ARRDC5: variants seen among roughly 807,000 people sequenced by gnomAD.
The protein encoded by ARRDC5 is arrestin domain containing 5, also known as arrestin domain-containing protein 5.
ARRDC5 carries 12 observed loss-of-function variants against 13.3 expected under a neutral mutation model. That is an observed-to-expected ratio of 0.90 (90% CI 0.58 to 1.46). The LOEUF is 1.46. Among genes scored for constraint, ARRDC5 ranks in the 40% most tolerant of loss-of-function variants. The probability of loss-of-function intolerance (pLI) is 0.00; values close to 1 mark genes in which losing one functional copy is unlikely to be tolerated. For synonymous variants in ARRDC5, 181 were observed against 173.4 expected (o/e 1.04, Z -0.34); for missense variants, 406 against 418.7 (o/e 0.97, Z 0.26).
At chr19:4,909,479 G>C in the ARRDC5 span, 1 of 652,824 alleles carries the variant, frequency 1.5e-6, no homozygotes, top group Non-Finnish European at 2.8e-6. Flanking sequence ...CCCAAATGCC[G>C]AGTTTTCGCG....
Position 4,890,862 on chromosome 19 carries a change from A to AT in ARRDC5, c.*183dup. ...GAGACCTTCCCGGTTTCCTTTGTCC[A>AT]TTCCAGGCATTCAGTGATAGTTCTA... On this transcript the variant is annotated 3_prime_UTR_variant, in exon 3 of 3. Transcript: ENST00000650722. The AT allele has an allele frequency of 1.7e-6, 1 of 591,778 alleles. No individual in the cohort carries two copies. Among genetic ancestry groups the AT allele is most frequent in the East Asian group, 2.9e-5 (1 of 34,718 alleles). The allele number at this position is 591,778 out of a possible 1,614,324, so 36.7% of individuals were successfully genotyped here.
intron 2 of ARRDC5, among the ~76,000 whole-genome samples, chr19:4,893,134 A>T (rs1020068323): frequency 7.1e-6 from 1 of 141,430 alleles, no homozygotes; most frequent in African/African-American, 2.6e-5. Flanking sequence ...ATAATATAAT[A>T]TATATTATAT....
chr19:4,896,266 G>T (rs528602740), intron 2 of ARRDC5, among the ~76,000 whole-genome samples: 1,579 of 83,448 alleles, frequency 0.019, 14 homozygotes, highest in Non-Finnish European at 0.03. Context: ...AGTGAGCCGA[G>T]ATCATGCCTC....
chr19:4,891,954 CAA>C (rs33946883), intron 2 of ARRDC5, among the ~76,000 whole-genome samples: 2 of 138,966 alleles, frequency 1.4e-5, no homozygotes, highest in Non-Finnish European at 3.1e-5. Flanking sequence ...AACTCCGTCT[CAA>C]AAAAAAAAAA....
chr19:4,915,323 G>A, the ARRDC5 span, among the ~76,000 whole-genome samples: 1 of 152,214 alleles, frequency 6.6e-6, no homozygotes, highest in South Asian at 2.1e-4. Context: ...CGCGGCCTCT[G>A]TTAGGGTGAC....
In ARRDC5 at chr19:4,891,158, G is replaced by T. The variant is rs374124848; in HGVS notation, c.875C>A (p.Thr292Asn). 3 of 1,613,902 alleles carry T rather than the reference G, an allele frequency of 1.9e-6. No individual in the cohort carries two copies. Among genetic ancestry groups the T allele is most frequent in the African/African-American group, 2.7e-5 (2 of 74,940 alleles). Reference protein sequence around the residue: ...VTTVHLPWSLTSLKAKVPIII... With the variant: ...VTTVHLPWSLNSLKAKVPIII... ...GATGGGAACTTTGGCCTTGAGGCTGGTCAGGGACCAGGGCAGGTGCACGGT... is the reference window on the plus strand; with the variant it reads ...GATGGGAACTTTGGCCTTGAGGCTGTTCAGGGACCAGGGCAGGTGCACGGT... The change falls in exon 3 of 3, where the codon ACC (threonine) becomes AAC (asparagine). Residue 292 changes from threonine to asparagine, a missense_variant. By Grantham distance (65) the Thr-to-Asn change is moderately conservative (BLOSUM62 0). Transcript: ENST00000650722.
At chr19:4,897,008 G>A in intron 1 of ARRDC5, 132 bp from the exon 2 acceptor site, 1 of 630,460 alleles carries the variant, frequency 1.6e-6, no homozygotes, top group Non-Finnish European at 2.6e-6. Context: ...CCAGTCTGGA[G>A]TATAGTGGTG....
chr19:4,893,961 T>C (rs1178309933), intron 2 of ARRDC5, among the ~76,000 whole-genome samples: 2 of 143,736 alleles, frequency 1.4e-5, no homozygotes, highest in Non-Finnish European at 3.0e-5. Context: ...GGCAGGAGAA[T>C]GGCGTGAACC....
At chr19:4,913,899 C>T in the ARRDC5 span, among the ~76,000 whole-genome samples, 1 of 149,942 alleles carries the variant, frequency 6.7e-6, no homozygotes, top group Non-Finnish European at 1.5e-5. Context: ...TCAACCTCCA[C>T]CTCCTGGGTT....
At chr19:4,901,432 G>A (rs969377705) in intron 1 of ARRDC5, among the ~76,000 whole-genome samples, 6 of 152,020 alleles carry the variant, frequency 3.9e-5, no homozygotes, top group Admixed American at 6.6e-5. Flanking sequence ...TGGCCAACGT[G>A]GTGAAACCCT....
At chr19:4,897,168 C>T (rs1435341911) in intron 1 of ARRDC5, among the ~76,000 whole-genome samples, 2 of 152,106 alleles carry the variant, frequency 1.3e-5, no homozygotes, top group Non-Finnish European at 2.9e-5. Context: ...TGTTGTCCAT[C>T]CTGGTCTTGA....
chr19:4,908,884 G>T, the ARRDC5 span, among the ~76,000 whole-genome samples: 1 of 152,148 alleles, frequency 6.6e-6, no homozygotes, highest in Non-Finnish European at 1.5e-5. Context: ...TCCTGTGCCC[G>T]CCAGGACTGG....
intron 2 of ARRDC5, among the ~76,000 whole-genome samples, chr19:4,893,143 AT>A: frequency 7.1e-6 from 1 of 141,488 alleles, no homozygotes; most frequent in Non-Finnish European, 1.5e-5. Context: ...TATATATTAT[AT>A]TATTAGAATA....
rs760656264 is a variant in ARRDC5 at position 4,902,643 on chromosome 19, A to C, written c.183T>G (p.Asp61Glu). The change falls in exon 1 of 3, where the codon GAT becomes GAG. Residue 61 changes from aspartate (D) to glutamate (E), a missense_variant. By Grantham distance (45) the Asp-to-Glu change is conservative (BLOSUM62 2). Coordinates refer to ENST00000650722, the MANE Select transcript of ARRDC5 (RefSeq NM_001080523.3). ...EWSEEAGASC[D>E]YSRNVICNNK... ...TGTTGCAAATAACATTTCTGCTATA[A>C]TCACAGGATGCCCCGGCTTCTTCAC... is the stretch of plus-strand genomic sequence containing the variant. 1 of 1,613,998 alleles carries C rather than the reference A, an allele frequency of 6.2e-7. No individual in the cohort carries two copies. Among genetic ancestry groups the C allele is most frequent in the Admixed American group, 1.7e-5 (1 of 60,004 alleles).
the ARRDC5 span, among the ~76,000 whole-genome samples, chr19:4,908,842 C>T: frequency 6.6e-6 from 1 of 152,194 alleles, no homozygotes; most frequent in Non-Finnish European, 1.5e-5. Context: ...GCAACCTGTC[C>T]GGCTGCTTTG....
chr19:4,895,250 C>T (rs1186757857), intron 2 of ARRDC5, among the ~76,000 whole-genome samples: 3 of 151,518 alleles, frequency 2.0e-5, no homozygotes, highest in East Asian at 3.9e-4. Flanking sequence ...GTGGAAACTC[C>T]GTCTTTACTA....
chr19:4,907,644 G>A (rs1323217732), upstream of ARRDC5, among the ~76,000 whole-genome samples: 1 of 150,222 alleles, frequency 6.7e-6, no homozygotes, highest in African/African-American at 2.4e-5. Flanking sequence ...GGTTCTAGGA[G>A]TCTTTCTTGC....
the ARRDC5 span, among the ~76,000 whole-genome samples, chr19:4,914,017 G>A: frequency 6.6e-6 from 1 of 151,984 alleles, no homozygotes; most frequent in South Asian, 2.1e-4. Flanking sequence ...GTTTCTCCAT[G>A]TTGGTCAGGC....
rs947787411 is a variant in ARRDC5, at chr19:4,891,190, C to A, written c.843G>T (p.Leu281=). The change falls in exon 3 of 3, where the codon CTG becomes CTT. Residue 281 remains leucine, a synonymous_variant. Coordinates refer to ENST00000650722, the MANE Select transcript of ARRDC5 (RefSeq NM_001080523.3). ...DGEIMHTRYE[L]VTTVHLPWSL... Reference sequence around the variant, plus strand: ...ACCAGGGCAGGTGCACGGTGGTGACCAGCTCGTAGCGAGTGTGCATGATCT... The same window carrying A: ...ACCAGGGCAGGTGCACGGTGGTGACAAGCTCGTAGCGAGTGTGCATGATCT... 1 of 1,613,898 alleles carries A rather than the reference C, an allele frequency of 6.2e-7. No individual in the cohort carries two copies. The highest frequency in any genetic ancestry group is 8.5e-7 in the Non-Finnish European group (1 of 1,179,876).
Sources: gnomAD v4.1 joint callset for allele counts (sites outside exome capture counted in the v4.1 genomes callset) on GRCh38, gnomAD v4.1.1 for gene constraint, MANE v1.5 for transcripts, NCBI Gene and HGNC (gene_info 2026-07-23, HGNC 2026-07-21) for gene names.